Variants in CALY observed in about 807,000 individuals in gnomAD.
CALY encodes the protein neuron-specific vesicular protein calcyon.
Under a neutral mutation model 20.2 loss-of-function variants are expected in CALY, and 15 were observed. That is an observed-to-expected ratio of 0.74 (90% CI 0.50 to 1.14). The LOEUF (loss-of-function observed/expected upper bound fraction) is 1.14. CALY is among the 50% of genes most tolerant of loss of function. The pLI is 0.00. For missense variants in CALY, 270 were observed against 304.4 expected (o/e 0.89, Z 0.84); for synonymous variants, 129 against 131.8 (o/e 0.98, Z 0.15).
chr10:133,324,299 A>C lies in CALY; in HGVS notation c.*1296T>G, dbSNP rs929426458. ...CCCTGACCCCACCTGGCTGGCTTCC[A>C]GCTCACCATGGCTTCCCTGGCAGGC... On this transcript the variant is annotated 3_prime_UTR_variant, in exon 6 of 6. Coordinates refer to ENST00000252939, the MANE Select transcript of CALY (RefSeq NM_015722.4). The C allele has an allele frequency of 3.3e-5, 15 of 454,538 alleles. No homozygotes were observed. The highest frequency in any genetic ancestry group is 6.6e-5 in the Non-Finnish European group (15 of 226,244). 28.2% of individuals were successfully genotyped at this position (454,538 alleles called of 1,614,324 possible). A position where few individuals can be genotyped will look rare whatever the true frequency, so the allele number is the denominator to read the frequency against.
At chr10:133,333,505 G>A (rs1314875663) in intron 1 of CALY, among the ~76,000 whole-genome samples, 1 of 150,798 alleles carries the variant, frequency 6.6e-6, no homozygotes, top group African/African-American at 2.4e-5. Flanking sequence ...GACGCAGGGG[G>A]AGGGATCCGA....
At chr10:133,328,741 A>C (rs1445801034) in intron 2 of CALY, 114 bp downstream of exon 2, 1 of 1,184,530 alleles carries the variant, frequency 8.4e-7, no homozygotes, top group Admixed American at 2.9e-5. Flanking sequence ...ATGGCCCTTC[A>C]TCTGTTTGCT....
At chr10:133,327,426 C>T (rs1475869194) in intron 3 of CALY, 3 of 500,238 alleles carry the variant, frequency 6.0e-6, no homozygotes, top group East Asian at 3.2e-5. Context: ...AGGCCAGGGG[C>T]GGGGAGCCCT....
At chr10:133,334,891 G>C (rs1296866634) in intron 1 of CALY, among the ~76,000 whole-genome samples, 2 of 152,134 alleles carry the variant, frequency 1.3e-5, no homozygotes, top group African/African-American at 4.8e-5. Context: ...TTCTGGAAGA[G>C]GCCGTGCGGT....
chr10:133,331,822 A>G (rs369923919), intron 1 of CALY, among the ~76,000 whole-genome samples: 1 of 152,178 alleles, frequency 6.6e-6, no homozygotes, highest in South Asian at 2.1e-4. Flanking sequence ...GGAACACATC[A>G]AGTATCTTGG....
intron 1 of CALY, among the ~76,000 whole-genome samples, chr10:133,335,031 G>A (rs955972442): frequency 1.3e-5 from 2 of 152,180 alleles, no homozygotes; most frequent in African/African-American, 4.8e-5. Flanking sequence ...GTGTGCAGGC[G>A]GAGACGGACG....
In CALY at chr10:133,325,840, G is replaced by T; in HGVS notation, c.641C>A (p.Pro214Gln). 1 of 1,226,670 alleles carries T rather than the reference G, an allele frequency of 8.2e-7. No homozygotes were observed. The highest frequency in any genetic ancestry group is 1.0e-6 in the Non-Finnish European group (1 of 985,242). The allele number at this position is 1,226,670 out of a possible 1,614,324, so 76.0% of individuals were successfully genotyped here. ...ARKAAGSAAP[P>Q]PAQ ...GGGCTGGAGACGTCACTGCGCGGGC[G>T]GGGGCGCCGCGCTCCCGGCCGCCTT... is the stretch of plus-strand genomic sequence containing the variant. Residue 214 changes from proline to glutamine, a missense_variant, in exon 5 of 6, where the codon CCG becomes CAG. Coordinates refer to ENST00000252939, the MANE Select transcript of CALY (RefSeq NM_015722.4).
chr10:133,328,975 G>T lies in CALY; in HGVS notation c.15C>A (p.Gly5=). The change falls in exon 2 of 6, where the codon GGC becomes GGA. Residue 5 remains glycine, a synonymous_variant. Transcript: ENST00000252939. The stretch of plus-strand genomic sequence containing the variant: ...TACCTGGCTTCCCAGAGAAGCTGCA[G>T]CCCAGCTTCACCATGGTGGATGGCA... MVKL[G]CSFSGKPGKD... is the part of the protein sequence containing the mutation. 1.3e-6 allele frequency: 2 copies of T among 1,564,138 alleles called. No individual in the cohort carries two copies. The highest frequency in any genetic ancestry group is 1.7e-6 in the Non-Finnish European group (2 of 1,153,346).
rs1391515004 is a variant in CALY, at chr10:133,335,881, CGCGGGTGAGTGAG to C, written c.-21+940_-21+952del. On this transcript the variant is annotated intron_variant, in intron 1 of 5. Coordinates refer to ENST00000252939, the MANE Select transcript of CALY (RefSeq NM_015722.4). ...GATGCTGATGGCAGATGGGTGGGGG[CGCGGGTGAGTGAG>C]GCCGTGCAGATGGACAGATGGATGG... Among the ~76,000 whole-genome samples, 7 of 152,142 alleles carry C rather than the reference CGCGGGTGAGTGAG, an allele frequency of 4.6e-5. No homozygotes were observed. In the East Asian group the frequency reaches 1.4e-3, roughly 29 times the overall value.
intron 1 of CALY, among the ~76,000 whole-genome samples, chr10:133,335,391 C>A (rs1848422210): frequency 6.6e-6 from 1 of 152,196 alleles, no homozygotes. Flanking sequence ...GGACCCCCGC[C>A]AGGAGGAGCT....
rs552546006 is a variant in CALY, at chr10:133,335,010, A to C, written c.-21+1824T>G. On this transcript the variant is annotated intron_variant, in intron 1 of 5. Coordinates refer to ENST00000252939, the MANE Select transcript of CALY (RefSeq NM_015722.4). ...GCGGGCGAGGTTTCACGGTGCAGCC[A>C]GCGTCCGTGTGTGTGCAGGCGGAGA... is the stretch of plus-strand genomic sequence containing the variant. Among the ~76,000 whole-genome samples, 386 of 152,292 alleles carry C rather than the reference A, an allele frequency of 2.5e-3. 1 individual carries two copies. The highest frequency in any genetic ancestry group is 6.8e-3 in the Middle Eastern group (2 of 294).
intron 1 of CALY, among the ~76,000 whole-genome samples, chr10:133,330,926 C>T (rs1340322838): frequency 6.6e-6 from 1 of 152,194 alleles, no homozygotes; most frequent in East Asian, 1.9e-4. Context: ...AAAGCTCAAG[C>T]AGCGTGAATC....
Position 133,326,895 on chromosome 10 carries a change from C to T in CALY, c.343G>A (p.Asp115Asn), listed in dbSNP as rs1344268348. The T allele has an allele frequency of 1.2e-6, 2 of 1,608,164 alleles. No homozygotes were observed. Among genetic ancestry groups the T allele is most frequent in the Non-Finnish European group, 1.7e-6 (2 of 1,178,220 alleles). Reference sequence around the variant, plus strand: ...CCCCTTACCCGCAGCAGGAAGCCGTCGGGGCAGGTGAACTGGTCGTACCAG... The same window carrying T: ...CCCCTTACCCGCAGCAGGAAGCCGTTGGGGCAGGTGAACTGGTCGTACCAG... ...AIWYDQFTCP[D>N]GFLLRHKICT... Residue 115 changes from aspartate (D) to asparagine (N), a missense_variant, in exon 4 of 6, where the codon GAC becomes AAC. Asp to Asn is a conservative substitution (Grantham distance 23, BLOSUM62 1). Coordinates refer to ENST00000252939, the MANE Select transcript of CALY (RefSeq NM_015722.4).
intron 2 of CALY, among the ~76,000 whole-genome samples, chr10:133,328,260 A>T (rs1314143698): frequency 6.6e-6 from 1 of 152,182 alleles, no homozygotes; most frequent in Non-Finnish European, 1.5e-5. Flanking sequence ...CTGCTGACAG[A>T]GCCCCTCACT....
rs139888672 is a variant in CALY at position 133,328,923 on chromosome 10, C to A, written c.67G>T (p.Ala23Ser). Residue 23 changes from alanine to serine, a missense_variant, in exon 2 of 6, where the codon GCC becomes TCC. By Grantham distance (99) the Ala-to-Ser change is moderately conservative. Coordinates refer to ENST00000252939, the MANE Select transcript of CALY (RefSeq NM_015722.4). ...CTGATCAGAGGCACACTGTCCATGG[C>A]AGCCCCATCCTGGTCCCCAGGGTCT... Reference protein sequence around the residue: ...GKDPGDQDGAAMDSVPLISPL... With the variant: ...GKDPGDQDGASMDSVPLISPL... 6.4e-7 allele frequency: 1 copy of A among 1,557,300 alleles called. No individual in the cohort carries two copies. The highest frequency in any genetic ancestry group is 1.9e-5 in the Admixed American group (1 of 52,172).
intron 4 of CALY, 139 bp from the exon 5 acceptor site, chr10:133,326,259 C>T (rs1848207892): frequency 6.4e-7 from 1 of 1,550,460 alleles, no homozygotes; most frequent in African/African-American, 1.4e-5. Flanking sequence ...GAAGATCAGC[C>T]TCCAGTTCAG....
At chr10:133,330,030 C>G (rs962850859) in intron 1 of CALY, among the ~76,000 whole-genome samples, 10 of 152,240 alleles carry the variant, frequency 6.6e-5, no homozygotes, top group African/African-American at 2.4e-5. Context: ...GAGGGCGGGC[C>G]CCACTAACCC....
intron 4 of CALY, chr10:133,326,432 A>C: frequency 1.7e-6 from 1 of 599,092 alleles, no homozygotes. Flanking sequence ...GAAAAGGAGC[A>C]GATTTTACTT....
chr10:133,330,157 C>A (rs1389724382), intron 1 of CALY, among the ~76,000 whole-genome samples: 1 of 152,126 alleles, frequency 6.6e-6, no homozygotes, highest in East Asian at 1.9e-4. Flanking sequence ...TGTATTCAAT[C>A]AATCAAAGGA....
Sources: gnomAD v4.1 joint callset for allele counts (sites outside exome capture counted in the v4.1 genomes callset) on GRCh38, gnomAD v4.1.1 for gene constraint, MANE v1.5 for transcripts, NCBI Gene and HGNC (gene_info 2026-07-23, HGNC 2026-07-21) for gene names.